Variants in KCNAB1 observed in about 807,000 individuals in gnomAD.
KCNAB1 encodes potassium voltage-gated channel subfamily A regulatory beta subunit 1.
A neutral mutation model predicts 64.6 loss-of-function variants in KCNAB1; 35 were observed. That is an observed-to-expected ratio of 0.54 (90% confidence interval 0.41 to 0.72). The LOEUF (loss-of-function observed/expected upper bound fraction) is 0.72. Among genes scored for constraint, KCNAB1 ranks in the 30% least tolerant of loss-of-function variants. The probability of loss-of-function intolerance (pLI) is 0.00; values close to 1 mark genes in which losing one functional copy is unlikely to be tolerated. For missense variants in KCNAB1, 401 were observed against 512.9 expected (o/e 0.78, Z 2.11); for synonymous variants, 177 against 183.8 (o/e 0.96, Z 0.30).
intron 1 of KCNAB1, among the ~76,000 whole-genome samples, chr3:156,185,058 A>G (rs1278905389): frequency 1.3e-5 from 2 of 152,252 alleles, no homozygotes. Context: ...CCACACAGAA[A>G]GAAAGTGGTG....
At chr3:156,190,577 C>T (rs1713498559) in intron 1 of KCNAB1, among the ~76,000 whole-genome samples, 1 of 152,190 alleles carries the variant, frequency 6.6e-6, no homozygotes, top group African/African-American at 2.4e-5. Context: ...ACTAAACTTC[C>T]TTGAGCCTGG....
chr3:156,482,475 T>G (rs1714892362), intron 8 of KCNAB1, among the ~76,000 whole-genome samples: 1 of 144,264 alleles, frequency 6.9e-6, no homozygotes. Flanking sequence ...AGAAACAAAC[T>G]AATCATGGGA....
rs76750669 is a variant in KCNAB1 at position 156,169,417 on chromosome 3, G to A, written c.275+48531G>A. Among the ~76,000 whole-genome samples, 605 of 152,278 alleles carry A rather than the reference G, an allele frequency of 4.0e-3. 7 individuals are homozygous for A. The highest frequency in any genetic ancestry group is 0.017 in the South Asian group (82 of 4,828). ...TGATGTTTGGACCCTCCTCAGGAAG[G>A]AACGGGCAAGAAATTTAGTCAGGAA... On this transcript the variant is annotated intron_variant, in intron 1 of 13. Transcript: ENST00000490337.
At chr3:156,223,262 CA>C (rs933772332) in intron 1 of KCNAB1, among the ~76,000 whole-genome samples, 12 of 152,306 alleles carry the variant, frequency 7.9e-5, no homozygotes, top group African/African-American at 2.9e-4. Flanking sequence ...AGATTTATTG[CA>C]AAGAGTGAAA....
chr3:156,447,285 A>T (rs1711635527), intron 2 of KCNAB1, among the ~76,000 whole-genome samples: 1 of 152,210 alleles, frequency 6.6e-6, no homozygotes, highest in Non-Finnish European at 1.5e-5. Flanking sequence ...ATTTATTTGT[A>T]AAATTAACAT....
intron 1 of KCNAB1, among the ~76,000 whole-genome samples, chr3:156,364,949 A>G (rs1037056414): frequency 6.6e-6 from 1 of 152,246 alleles, no homozygotes; most frequent in African/African-American, 2.4e-5. Flanking sequence ...GATGACATCC[A>G]GGAAAAAGGT....
chr3:156,170,090 A>G (rs980425151), intron 1 of KCNAB1, among the ~76,000 whole-genome samples: 12 of 152,074 alleles, frequency 7.9e-5, no homozygotes, highest in Non-Finnish European at 5.9e-5. Context: ...GGGGCCAAGC[A>G]CATTGTGTTT....
chr3:156,179,428 A>ACCCCC (rs1560123122), intron 1 of KCNAB1, among the ~76,000 whole-genome samples: 1 of 91,384 alleles, frequency 1.1e-5, no homozygotes, highest in Non-Finnish European at 2.1e-5. Flanking sequence ...CCCCCCCCCC[A>ACCCCC]CCCCCTCACC....
At chr3:156,335,422 A>G (rs1723624504) in intron 1 of KCNAB1, among the ~76,000 whole-genome samples, 1 of 152,136 alleles carries the variant, frequency 6.6e-6, no homozygotes, top group Admixed American at 6.6e-5. Flanking sequence ...TGACACCTCC[A>G]TTACTCCTCA....
intron 8 of KCNAB1, among the ~76,000 whole-genome samples, chr3:156,481,915 A>G (rs1199470346): frequency 1.3e-5 from 2 of 152,112 alleles, no homozygotes; most frequent in Non-Finnish European, 2.9e-5. Flanking sequence ...CGTAAGCTCC[A>G]TTTCTAGAAT....
At chr3:156,327,012 T>C (rs1389870290) in intron 1 of KCNAB1, among the ~76,000 whole-genome samples, 1 of 152,142 alleles carries the variant, frequency 6.6e-6, no homozygotes, top group African/African-American at 2.4e-5. Flanking sequence ...ACAGGAATAC[T>C]GGCTCGCAAA....
At chr3:156,154,729 A>G (rs1715616778) in intron 1 of KCNAB1, among the ~76,000 whole-genome samples, 1 of 152,116 alleles carries the variant, frequency 6.6e-6, no homozygotes, top group South Asian at 2.1e-4. Flanking sequence ...CTACTCTACC[A>G]CTTTGGCAAG....
chr3:156,452,794 A>T lies in KCNAB1; in HGVS notation c.320-105A>T. 1.3e-6 allele frequency: 1 copy of T among 769,816 alleles called. No homozygotes were observed. The highest frequency in any genetic ancestry group is 2.2e-6 in the Non-Finnish European group (1 of 461,304). 47.7% of individuals were successfully genotyped at this position (769,816 alleles called of 1,614,324 possible). On this transcript the variant is annotated intron_variant, in intron 2 of 13. Coordinates refer to ENST00000490337, the MANE Select transcript of KCNAB1 (RefSeq NM_172160.3). This position sits in a 1 kb window ranked among gnomAD's most constrained non-coding sequence, Gnocchi z 4.6. ...CCTCATCCAGGTACCTTTGTGAACTACCCATACAACCTATTGAGGTAGTCC... is the reference window on the plus strand; with the variant it reads ...CCTCATCCAGGTACCTTTGTGAACTTCCCATACAACCTATTGAGGTAGTCC...
At chr3:156,203,837 A>C (rs989196226) in intron 1 of KCNAB1, among the ~76,000 whole-genome samples, 3 of 152,096 alleles carry the variant, frequency 2.0e-5, no homozygotes, top group African/African-American at 7.2e-5. Flanking sequence ...TCTAAAGTTT[A>C]CTCTGTCTTT....
intron 1 of KCNAB1, among the ~76,000 whole-genome samples, chr3:156,169,784 C>T (rs1711840829): frequency 6.6e-6 from 1 of 152,218 alleles, no homozygotes; most frequent in African/African-American, 2.4e-5. Flanking sequence ...CTTGCTTTCC[C>T]TTCGCCTTCG....
intron 1 of KCNAB1, among the ~76,000 whole-genome samples, chr3:156,388,162 A>G (rs190463111): frequency 1.2e-4 from 18 of 152,360 alleles, no homozygotes; most frequent in Admixed American, 1.3e-4. Context: ...TGAAATATGT[A>G]TGATATGGTA....
chr3:156,523,154 GTTTC>G lies in KCNAB1; in HGVS notation c.961-669_961-666del, dbSNP rs138202876. Among the ~76,000 whole-genome samples, 398 of 152,210 alleles carry G rather than the reference GTTTC, an allele frequency of 2.6e-3. 1 individual carries two copies. The highest frequency in any genetic ancestry group is 4.1e-3 in the Non-Finnish European group (281 of 68,006). On this transcript the variant is annotated intron_variant, in intron 11 of 13. Coordinates refer to ENST00000490337, the MANE Select transcript of KCNAB1 (RefSeq NM_172160.3). ...TTTAAAGAATAGTTTCCTGTTTTGAGTTTCTTTACTTTTTTAAGTTTCAATAGTT... is the reference window on the plus strand; with the variant it reads ...TTTAAAGAATAGTTTCCTGTTTTGAGTTTACTTTTTTAAGTTTCAATAGTT...
chr3:156,417,097 C>CTAT (rs747284004), intron 1 of KCNAB1, among the ~76,000 whole-genome samples: 26 of 152,144 alleles, frequency 1.7e-4, no homozygotes, highest in Non-Finnish European at 1.5e-4. Flanking sequence ...AATGTTATTA[C>CTAT]TATTTGTAGC....
At chr3:156,183,576 G>T (rs149282463) in intron 1 of KCNAB1, among the ~76,000 whole-genome samples, 2 of 152,320 alleles carry the variant, frequency 1.3e-5, no homozygotes, top group East Asian at 3.9e-4. Context: ...GTCCCTAGCA[G>T]CTCACCTAGT....
Sources: allele counts gnomAD v4.1 joint callset (sites outside exome capture counted in the v4.1 genomes callset), GRCh38; gene constraint gnomAD v4.1.1; non-coding constraint Gnocchi (gnomAD v3.1); transcripts MANE v1.5; gene names NCBI Gene and HGNC (gene_info 2026-07-23, HGNC 2026-07-21).